Variants in CNTNAP5 observed in about 807,000 individuals in gnomAD.
CNTNAP5 encodes contactin associated protein family member 5.
In CNTNAP5, 72 loss-of-function variants were observed where a neutral mutation model predicts 150.2. That is an observed-to-expected ratio of 0.48 (90% CI 0.40 to 0.58). The LOEUF (loss-of-function observed/expected upper bound fraction) is 0.58. Among genes scored for constraint, CNTNAP5 ranks in the 20% least tolerant of loss-of-function variants. The probability of loss-of-function intolerance (pLI) is 0.00; values close to 1 mark genes in which losing one functional copy is unlikely to be tolerated. For missense variants in CNTNAP5, 1,636 were observed against 1,626.2 expected, an observed-to-expected ratio of 1.01 and a Z score of -0.10; for synonymous variants, 672 against 619.8, an observed-to-expected ratio of 1.08 and a Z score of -1.25.
intron 5 of CNTNAP5, among the ~76,000 whole-genome samples, chr2:124,445,709 C>A (rs1214832237): frequency 1.3e-5 from 2 of 152,166 alleles, no homozygotes; most frequent in Non-Finnish European, 2.9e-5. Context: ...GTTGAACAGG[C>A]TGCTGCAGCT....
At chr2:124,600,731 C>CAGAGAGAGAGAGAGAGAGAGAG (rs374118230) in intron 11 of CNTNAP5, among the ~76,000 whole-genome samples, 10 of 124,054 alleles carry the variant, frequency 8.1e-5, no homozygotes, top group Non-Finnish European at 1.2e-4. Context: ...CAACAATACT[C>CAGAGAGAGAGAGAGAGAGAGAG]AGAGAGAGAG....
At chr2:124,539,050 C>G (rs1309730558) in intron 10 of CNTNAP5, among the ~76,000 whole-genome samples, 1 of 152,160 alleles carries the variant, frequency 6.6e-6, no homozygotes. Flanking sequence ...CTGTTTTTCC[C>G]TGGTCCAAAA....
At chr2:124,587,204 C>T (rs1449459287) in intron 11 of CNTNAP5, among the ~76,000 whole-genome samples, 1 of 152,154 alleles carries the variant, frequency 6.6e-6, no homozygotes, top group Non-Finnish European at 1.5e-5. Flanking sequence ...GTTCCATGTG[C>T]TATAATCATC....
chr2:124,201,649 A>T (rs1685728667), intron 1 of CNTNAP5, among the ~76,000 whole-genome samples: 1 of 152,230 alleles, frequency 6.6e-6, no homozygotes, highest in Non-Finnish European at 1.5e-5. Context: ...AGTTGGAGAG[A>T]CAGTAACTAT....
chr2:124,365,975 T>C (rs1023894190), intron 3 of CNTNAP5, among the ~76,000 whole-genome samples: 2 of 152,200 alleles, frequency 1.3e-5, no homozygotes, highest in African/African-American at 4.8e-5. Flanking sequence ...TTTAAGGTCA[T>C]GTAACTTTTT....
intron 10 of CNTNAP5, among the ~76,000 whole-genome samples, chr2:124,553,535 G>T (rs1263509733): frequency 6.7e-6 from 1 of 148,962 alleles, no homozygotes; most frequent in East Asian, 1.9e-4. Flanking sequence ...GAATGCATAA[G>T]GAAAATAAAA....
intron 13 of CNTNAP5, among the ~76,000 whole-genome samples, chr2:124,707,318 A>G (rs1197144752): frequency 6.6e-6 from 1 of 152,258 alleles, no homozygotes; most frequent in South Asian, 2.1e-4. Flanking sequence ...TGAGGCATGG[A>G]CTTTGATTCC....
At chr2:124,199,603 C>G (rs546781191) in intron 1 of CNTNAP5, among the ~76,000 whole-genome samples, 4 of 151,686 alleles carry the variant, frequency 2.6e-5, no homozygotes, top group Admixed American at 6.6e-5. Context: ...GTAGTAGAGA[C>G]GGGGTTTCTC....
At chr2:124,558,432 T>TTCGGTTTGGGTACACAAAGTCTGG (rs11273535) in intron 10 of CNTNAP5, among the ~76,000 whole-genome samples, 1 of 151,912 alleles carries the variant, frequency 6.6e-6, no homozygotes, top group African/African-American at 2.4e-5. Flanking sequence ...GATTGGAAAG[T>TTCGGTTTGGGTACACAAAGTCTGG]AATATCTATT....
chr2:124,208,924 G>A (rs1449216514), intron 1 of CNTNAP5, among the ~76,000 whole-genome samples: 1 of 152,070 alleles, frequency 6.6e-6, no homozygotes, highest in Middle Eastern at 3.2e-3. Context: ...TTTTGTCTTT[G>A]TTGGTGGTTC....
chr2:124,209,035 C>A (rs1685936822), intron 1 of CNTNAP5, among the ~76,000 whole-genome samples: 1 of 152,038 alleles, frequency 6.6e-6, no homozygotes, highest in African/African-American at 2.4e-5. Flanking sequence ...AAATGGATGG[C>A]CCCAATTTAC....
intron 3 of CNTNAP5, among the ~76,000 whole-genome samples, chr2:124,261,484 A>G (rs2104601416): frequency 6.6e-6 from 1 of 152,260 alleles, no homozygotes; most frequent in East Asian, 1.9e-4. Flanking sequence ...AATATCAATA[A>G]CGATTGATGA....
intron 12 of CNTNAP5, among the ~76,000 whole-genome samples, chr2:124,628,123 C>A (rs535699981): frequency 6.6e-6 from 1 of 152,136 alleles, no homozygotes; most frequent in Non-Finnish European, 1.5e-5. Flanking sequence ...GAGAATGGAA[C>A]CAAGTTGTAA....
chr2:124,734,932 T>C (rs1031388372), intron 13 of CNTNAP5, among the ~76,000 whole-genome samples: 1 of 152,154 alleles, frequency 6.6e-6, no homozygotes, highest in African/African-American at 2.4e-5. Flanking sequence ...GTGTGTAAAC[T>C]TGAGTAAAGT....
At chr2:124,245,503 A>G (rs1169181381) in intron 3 of CNTNAP5, among the ~76,000 whole-genome samples, 1 of 152,046 alleles carries the variant, frequency 6.6e-6, no homozygotes, top group East Asian at 1.9e-4. Flanking sequence ...AACTTTTCAG[A>G]AAAAGTCAAT....
chr2:124,584,229 T>C (rs1053086493), intron 11 of CNTNAP5, among the ~76,000 whole-genome samples: 2 of 152,144 alleles, frequency 1.3e-5, no homozygotes, highest in African/African-American at 4.8e-5. Context: ...TGCAAGAAGA[T>C]CTTGAAGCTG....
intron 1 of CNTNAP5, among the ~76,000 whole-genome samples, chr2:124,041,385 C>A (rs1681368163): frequency 6.6e-6 from 1 of 152,154 alleles, no homozygotes; most frequent in East Asian, 1.9e-4. Flanking sequence ...ATGAAAGTCT[C>A]ATTTTACACA....
rs186533532 is a variant in CNTNAP5, at chr2:124,837,480, C to G, written c.3218-27826C>G. Among the ~76,000 whole-genome samples, 29 of 152,122 alleles carry G rather than the reference C, an allele frequency of 1.9e-4. No homozygotes were observed. In the East Asian group the frequency reaches 5.6e-3, roughly 30 times the overall value. ...GAAAATAATTCATTTCTTTTGCTAC[C>G]GAAGATAGTTATCCAGATAAAATGT... On this transcript the variant is annotated intron_variant, in intron 19 of 23. Transcript: ENST00000682447.
intron 1 of CNTNAP5, among the ~76,000 whole-genome samples, chr2:124,033,856 C>A (rs1162074453): frequency 1.3e-5 from 2 of 152,018 alleles, no homozygotes; most frequent in African/African-American, 4.8e-5. Flanking sequence ...AGACACAGAA[C>A]CCCACTGAGT....
Sources: gnomAD v4.1 joint callset for allele counts (sites outside exome capture counted in the v4.1 genomes callset) on GRCh38, gnomAD v4.1.1 for gene constraint, MANE v1.5 for transcripts, NCBI Gene and HGNC (gene_info 2026-07-23, HGNC 2026-07-21) for gene names.